The following CNTNAP2 variants were observed in gnomAD, a reference collection of about 807,000 sequenced individuals.
The protein encoded by CNTNAP2 is contactin associated protein 2.
A neutral mutation model predicts 155.2 loss-of-function variants in CNTNAP2; 98 were observed. The ratio of observed to expected loss-of-function variants is 0.63; its 90% confidence interval spans 0.54 to 0.75. CNTNAP2 has a LOEUF of 0.75. Among genes scored for constraint, CNTNAP2 ranks in the 30% least tolerant of loss-of-function variants. The pLI is 0.00. For missense variants in CNTNAP2, 1,727 were observed against 1,688.1 expected (o/e 1.02, Z -0.40); for synonymous variants, 651 against 631.2 (o/e 1.03, Z -0.47).
At chr7:147,636,646 C>G (rs1232601993) in intron 12 of CNTNAP2, among the ~76,000 whole-genome samples, 3 of 152,054 alleles carry the variant, frequency 2.0e-5, no homozygotes, top group Admixed American at 6.6e-5. Flanking sequence ...TTTCTGTGTC[C>G]ATGTGTTCTC....
At chr7:148,368,684 G>C (rs563811274) in intron 21 of CNTNAP2, among the ~76,000 whole-genome samples, 73 of 152,280 alleles carry the variant, frequency 4.8e-4, no homozygotes, top group South Asian at 4.2e-3. Context: ...CAAGAGCCAA[G>C]CTACCCGAGT....
intron 1 of CNTNAP2, among the ~76,000 whole-genome samples, chr7:146,322,308 G>A (rs1331006252): frequency 6.6e-6 from 1 of 152,124 alleles, no homozygotes; most frequent in African/African-American, 2.4e-5. Flanking sequence ...CCCCTTTCCA[G>A]GTTTTAACAG....
chr7:146,157,833 G>A (rs1562970966), intron 1 of CNTNAP2, among the ~76,000 whole-genome samples: 1 of 152,204 alleles, frequency 6.6e-6, no homozygotes, highest in Non-Finnish European at 1.5e-5. Context: ...ACAAAAGGCA[G>A]CAGAAACTTC....
intron 3 of CNTNAP2, among the ~76,000 whole-genome samples, chr7:146,942,347 A>G (rs556808327): frequency 2.0e-5 from 3 of 152,184 alleles, no homozygotes; most frequent in Non-Finnish European, 4.4e-5. Context: ...AGCAGAGAGA[A>G]TAAGATATGT....
intron 12 of CNTNAP2, among the ~76,000 whole-genome samples, chr7:147,632,792 T>C (rs1795109539): frequency 6.6e-6 from 1 of 152,134 alleles, no homozygotes; most frequent in Admixed American, 6.5e-5. Context: ...GTTTGGAGAC[T>C]TGTTGAATGG....
At chr7:147,342,486 T>C (rs6969607) in intron 9 of CNTNAP2, among the ~76,000 whole-genome samples, 59,725 of 151,990 alleles carry the variant, frequency 0.39, 12,029 homozygotes, top group South Asian at 0.49. Context: ...ATTTTTCAAC[T>C]GGTGGCCAGT....
intron 1 of CNTNAP2, among the ~76,000 whole-genome samples, chr7:146,426,598 C>A: frequency 6.9e-6 from 1 of 144,906 alleles, no homozygotes; most frequent in Non-Finnish European, 1.5e-5. Context: ...AAAAGTATTA[C>A]AGTGACTCAT....
intron 1 of CNTNAP2, among the ~76,000 whole-genome samples, chr7:146,522,493 AT>A (rs1797629584): frequency 6.6e-6 from 1 of 152,054 alleles, no homozygotes; most frequent in Non-Finnish European, 1.5e-5. Flanking sequence ...AATAGCAGAA[AT>A]GTTCTTTGAA....
chr7:147,122,723 A>G (rs1388501908), intron 6 of CNTNAP2: 1 of 152,218 alleles, frequency 6.6e-6, no homozygotes, highest in Non-Finnish European at 1.5e-5. Context: ...GTTTCACACA[A>G]TGTCCAAAAG....
At chr7:146,126,829 T>C (rs1441400836) in intron 1 of CNTNAP2, among the ~76,000 whole-genome samples, 1 of 152,166 alleles carries the variant, frequency 6.6e-6, no homozygotes, top group Non-Finnish European at 1.5e-5. Context: ...TATTTGCCAG[T>C]CCTAATGCTT....
At chr7:147,946,236 T>G (rs558951941) in intron 14 of CNTNAP2, among the ~76,000 whole-genome samples, 1 of 152,244 alleles carries the variant, frequency 6.6e-6, no homozygotes, top group Admixed American at 6.5e-5. Flanking sequence ...ATGACTTCAG[T>G]GTGAAAAGGC....
rs1311896514 is a variant in CNTNAP2 at position 148,402,748 on chromosome 7, T to C, written c.3716-6643T>C. On this transcript the variant is annotated intron_variant, in intron 22 of 23. Transcript: ENST00000361727. ...ATTATAATTAATAGCAGCAGTTTTG[T>C]TGAAGTGTCTCAAATTATTACTTTA... Among the ~76,000 whole-genome samples the C allele has an allele frequency of 2.6e-5, 4 of 152,278 alleles. No individual in the cohort carries two copies. The East Asian group carries it at 5.8e-4, about 22-fold the overall frequency.
chr7:147,475,510 A>G (rs1042737626), intron 10 of CNTNAP2, among the ~76,000 whole-genome samples: 3 of 152,002 alleles, frequency 2.0e-5, no homozygotes, highest in East Asian at 1.9e-4. Flanking sequence ...TCATATTTCA[A>G]TTATATTGTT....
At chr7:147,637,768 T>C (rs1795206257) in intron 12 of CNTNAP2, among the ~76,000 whole-genome samples, 1 of 152,148 alleles carries the variant, frequency 6.6e-6, no homozygotes, top group South Asian at 2.1e-4. Flanking sequence ...CGTGTAACAT[T>C]GATTGTGTAT....
chr7:148,241,237 T>A (rs1367326173), intron 20 of CNTNAP2, among the ~76,000 whole-genome samples: 1 of 152,224 alleles, frequency 6.6e-6, no homozygotes, highest in Admixed American at 6.5e-5. Flanking sequence ...AAATCTAGCA[T>A]AGTCTATGAC....
At chr7:146,364,954 A>T (rs1430136653) in intron 1 of CNTNAP2, among the ~76,000 whole-genome samples, 1 of 152,090 alleles carries the variant, frequency 6.6e-6, no homozygotes, top group Admixed American at 6.6e-5. Flanking sequence ...TTAATCTTCA[A>T]TTTTTTTCTT....
intron 8 of CNTNAP2, among the ~76,000 whole-genome samples, chr7:147,254,380 A>G (rs1300431983): frequency 6.6e-6 from 1 of 152,246 alleles, no homozygotes; most frequent in East Asian, 1.9e-4. Context: ...TGACAATAAT[A>G]GGAAAAATGT....
At chr7:148,014,806 G>A (rs1048442358) in intron 15 of CNTNAP2, among the ~76,000 whole-genome samples, 6 of 152,150 alleles carry the variant, frequency 3.9e-5, no homozygotes, top group Non-Finnish European at 5.9e-5. Context: ...GCAATCCAGC[G>A]GAACCAACTA....
In CNTNAP2 at chr7:148,004,154, A is replaced by G. The variant is rs142906445; in HGVS notation, c.2383+26165A>G. Among the ~76,000 whole-genome samples, 774 of 152,330 alleles carry G rather than the reference A, an allele frequency of 5.1e-3. 8 individuals carry two copies. Among genetic ancestry groups the G allele is most frequent in the African/African-American group, 0.017 (704 of 41,588 alleles). On this transcript the variant is annotated intron_variant, in intron 15 of 23. Coordinates refer to ENST00000361727, the MANE Select transcript of CNTNAP2 (RefSeq NM_014141.6). ...TAATAAGTATACAAAATCTTTCTGC[A>G]TGTAATGTGTATGCTATCAGCTTAA...
Sources: allele counts gnomAD v4.1 joint callset (sites outside exome capture counted in the v4.1 genomes callset), GRCh38; gene constraint gnomAD v4.1.1; transcripts MANE v1.5; gene names NCBI Gene and HGNC (gene_info 2026-07-23, HGNC 2026-07-21).